Variants in CAPSL observed in about 807,000 individuals in gnomAD.
CAPSL encodes calcyphosin-like protein.
In CAPSL, 17 loss-of-function variants were observed where a neutral mutation model predicts 21.3. The ratio of observed to expected loss-of-function variants is 0.80; its 90% confidence interval spans 0.55 to 1.20. The LOEUF (loss-of-function observed/expected upper bound fraction) is 1.20, where lower values mean the gene tolerates loss of function less well. Ranked by LOEUF, CAPSL falls within the 50% of genes most tolerant of loss-of-function variation. CAPSL has a pLI of 0.00. For missense variants in CAPSL, 289 were observed against 259.3 expected (o/e 1.11, Z -0.79); for synonymous variants, 102 against 89.3 (o/e 1.14, Z -0.80).
At chr5:35,922,887 T>C (rs988908721) in intron 1 of CAPSL, among the ~76,000 whole-genome samples, 4 of 152,158 alleles carry the variant, frequency 2.6e-5, no homozygotes, top group Admixed American at 6.5e-5. Context: ...AATTCACTCA[T>C]CTAGCCATGT....
At chr5:35,913,556 C>T (rs1011386359) in intron 2 of CAPSL, among the ~76,000 whole-genome samples, 1 of 152,152 alleles carries the variant, frequency 6.6e-6, no homozygotes, top group African/African-American at 2.4e-5. Context: ...CAATATTCAA[C>T]ATTCTAAAAG....
Position 35,920,079 on chromosome 5 carries a change from T to C in CAPSL, c.137+905A>G, listed in dbSNP as rs528324544. On this transcript the variant is annotated intron_variant, in intron 2 of 4. Coordinates refer to ENST00000651391, the MANE Select transcript of CAPSL (RefSeq NM_001042625.2). ...CACCAGGGTCCATATCCCCACTGCC[T>C]GGCCTTCTGACAGAGCTGGGCTTAG... Among the ~76,000 whole-genome samples, 187 of 152,296 alleles carry C rather than the reference T, an allele frequency of 1.2e-3. 4 individuals are homozygous for C. Among genetic ancestry groups the C allele is most frequent in the Non-Finnish European group, 1.0e-3 (71 of 68,024 alleles).
In CAPSL at chr5:35,921,023, C is replaced by T. The variant is rs202096708; in HGVS notation, c.98G>A (p.Cys33Tyr). Residue 33 changes from cysteine to tyrosine, a missense_variant, in exon 2 of 5, where the codon TGC becomes TAC. Physicochemically the swap from Cys to Tyr is radical, Grantham distance 194. Transcript: ENST00000651391. ...TDPIERLRLQCLARGSAGIKG... is the reference protein window; with the variant it reads ...TDPIERLRLQYLARGSAGIKG... ...GATCCCAGCAGAGCCCCTGGCCAGG[C>T]ACTGCAGTCGGAGTCTTTCAATGGG... The T allele has an allele frequency of 2.6e-4, 427 of 1,614,040 alleles. 1 individual carries two copies. The highest frequency in any genetic ancestry group is 3.4e-4 in the Non-Finnish European group (399 of 1,180,022).
chr5:35,910,202 G>T, intron 3 of CAPSL, 127 bp from the exon 4 acceptor site: 2 of 1,075,940 alleles, frequency 1.9e-6, no homozygotes, highest in Non-Finnish European at 2.7e-6. Context: ...TTATGTAATA[G>T]ACACTACAAT....
intron 1 of CAPSL, among the ~76,000 whole-genome samples, chr5:35,925,237 G>T (rs1173257757): frequency 1.3e-5 from 2 of 152,216 alleles, no homozygotes; most frequent in Non-Finnish European, 2.9e-5. Flanking sequence ...CAGCCTGGGG[G>T]CTGAGCAGGG....
chr5:35,921,908 T>C (rs1249280640), intron 1 of CAPSL, among the ~76,000 whole-genome samples: 1 of 151,490 alleles, frequency 6.6e-6, no homozygotes. Flanking sequence ...GAGGATTGGA[T>C]AAGATGGTCT....
rs1456175208 is a variant in CAPSL at position 35,912,422 on chromosome 5, TC to T, written c.138-1880del. On this transcript the variant is annotated intron_variant, in intron 2 of 4. Transcript: ENST00000651391. Reference sequence around the variant, plus strand: ...TGGACAGACTGCCTCCTCAAGTGGGTCCCTGACCCCCGAGTAGCCTAACTGG... The same window carrying T: ...TGGACAGACTGCCTCCTCAAGTGGGTCCTGACCCCCGAGTAGCCTAACTGG... 2.0e-5 allele frequency among the ~76,000 whole-genome samples: 3 copies of T among 152,090 alleles called. No homozygotes were observed. In the East Asian group the frequency reaches 5.8e-4, roughly 29 times the overall value.
chr5:35,919,094 T>C (rs1002659777), intron 2 of CAPSL, among the ~76,000 whole-genome samples: 2 of 150,400 alleles, frequency 1.3e-5, no homozygotes, highest in African/African-American at 4.9e-5. Context: ...ACTTTTGTTT[T>C]GTTTGGATTG....
chr5:35,930,458 G>C (rs1445842601), intron 1 of CAPSL, among the ~76,000 whole-genome samples: 3 of 152,052 alleles, frequency 2.0e-5, no homozygotes, highest in Non-Finnish European at 4.4e-5. Flanking sequence ...ACTGAACCAG[G>C]GTTGGGGCTA....
chr5:35,920,889 G>A (rs1428002489), intron 2 of CAPSL, 95 bp downstream of exon 2: 3 of 1,327,378 alleles, frequency 2.3e-6, no homozygotes, highest in Non-Finnish European at 3.1e-6. Flanking sequence ...CCTAGGAGGA[G>A]ATGACTTCCC....
At chr5:35,907,007 C>A (rs1760691992) in intron 4 of CAPSL, among the ~76,000 whole-genome samples, 1 of 152,228 alleles carries the variant, frequency 6.6e-6, no homozygotes, top group Admixed American at 6.5e-5. Context: ...CGCAAATTCT[C>A]TGATCTCCTG....
chr5:35,919,024 G>T (rs1377703565), intron 2 of CAPSL, among the ~76,000 whole-genome samples: 2 of 151,814 alleles, frequency 1.3e-5, no homozygotes, highest in African/African-American at 4.8e-5. Context: ...TAGTAATACT[G>T]TTAAAACCGT....
chr5:35,923,203 T>C (rs907560643), intron 1 of CAPSL, among the ~76,000 whole-genome samples: 4 of 152,070 alleles, frequency 2.6e-5, no homozygotes, highest in Non-Finnish European at 5.9e-5. Flanking sequence ...CTCTGGTTTT[T>C]CCCTGCCATC....
At chr5:35,918,973 G>T (rs974559730) in intron 2 of CAPSL, among the ~76,000 whole-genome samples, 2 of 151,800 alleles carry the variant, frequency 1.3e-5, no homozygotes, top group African/African-American at 4.8e-5. Flanking sequence ...GTGGGCTAAT[G>T]AAGATAATTC....
intron 2 of CAPSL, among the ~76,000 whole-genome samples, chr5:35,920,206 C>T (rs16902594): frequency 0.021 from 3,247 of 152,258 alleles, 116 homozygotes; most frequent in African/African-American, 0.074. Flanking sequence ...ATTTCCCTCC[C>T]ATTGGCACCC....
At chr5:35,919,697 T>C (rs1452438550) in intron 2 of CAPSL, among the ~76,000 whole-genome samples, 1 of 151,042 alleles carries the variant, frequency 6.6e-6, no homozygotes, top group African/African-American at 2.4e-5. Context: ...AAGGTAGGAG[T>C]GGAGGAGAGG....
intron 2 of CAPSL, 38 bp from the exon 3 acceptor site, chr5:35,910,581 C>A (rs148259091): frequency 1.3e-5 from 18 of 1,436,574 alleles, no homozygotes; most frequent in Admixed American, 1.9e-5. Flanking sequence ...AAGAAATGTA[C>A]AAATAACAGG....
intron 2 of CAPSL, among the ~76,000 whole-genome samples, chr5:35,920,349 GCCTGGC>G (rs1217438808): frequency 1.1e-4 from 16 of 152,176 alleles, no homozygotes; most frequent in African/African-American, 3.6e-4. Flanking sequence ...TGTGTCCAAT[GCCTGGC>G]CCATGGCAGG....
At chr5:35,928,623 C>G (rs1438087942) in intron 1 of CAPSL, among the ~76,000 whole-genome samples, 1 of 152,162 alleles carries the variant, frequency 6.6e-6, no homozygotes, top group East Asian at 1.9e-4. Context: ...CAATCCCCCC[C>G]ACCCCCAGGA....
Sources: allele counts gnomAD v4.1 joint callset (sites outside exome capture counted in the v4.1 genomes callset), GRCh38; gene constraint gnomAD v4.1.1; transcripts MANE v1.5; gene names NCBI Gene and HGNC (gene_info 2026-07-23, HGNC 2026-07-21).